The following YAP1 variants were observed in gnomAD, a reference collection of about 807,000 sequenced individuals.
YAP1 encodes the protein Yes1 associated transcriptional regulator, also known as transcriptional coactivator YAP1.
In YAP1, 5 loss-of-function variants were observed where a neutral mutation model predicts 56.9. The observed-to-expected ratio is 0.09, with a 90% CI of 0.05 to 0.18. The LOEUF (loss-of-function observed/expected upper bound fraction) is 0.18, where lower values mean the gene tolerates loss of function less well. Among genes scored for constraint, YAP1 ranks in the 10% least tolerant of loss-of-function variants. The pLI, the probability that YAP1 is intolerant of heterozygous loss-of-function variation, is 1.00. For missense variants in YAP1, 539 were observed against 651.8 expected, an observed-to-expected ratio of 0.83 and a Z score of 1.88; for synonymous variants, 265 against 248.1, an observed-to-expected ratio of 1.07 and a Z score of -0.64.
At chr11:102,195,578 C>T (rs1948531248) in intron 4 of YAP1, among the ~76,000 whole-genome samples, 1 of 152,100 alleles carries the variant, frequency 6.6e-6, no homozygotes, top group African/African-American at 2.4e-5. Context: ...GGGGCAATTT[C>T]TCCCATCCTG....
intron 3 of YAP1, among the ~76,000 whole-genome samples, chr11:102,177,130 AGAG>A (rs1315410741): frequency 6.6e-6 from 1 of 152,114 alleles, no homozygotes; most frequent in Non-Finnish European, 1.5e-5. Flanking sequence ...TGGAGCTGGG[AGAG>A]GAGATGTTTG....
chr11:102,205,933 G>A lies in YAP1; in HGVS notation c.843G>A (p.Gln281=). The part of the protein sequence containing the change: ...QRISQSAPVK[Q]PPPLAPQSPQ... ...TCAGTCAGAGTGCTCCAGTGAAACA[G>A]CCACCACCCCTGGCTCCCCAGAGCC... The change falls in exon 5 of 9, where the codon CAG becomes CAA. Residue 281 remains glutamine, a synonymous_variant. Transcript: ENST00000282441. 6.2e-7 allele frequency: 1 copy of A among 1,606,444 alleles called. No homozygotes were observed. Among genetic ancestry groups the A allele is most frequent in the Non-Finnish European group, 8.5e-7 (1 of 1,176,210 alleles).
intron 2 of YAP1, among the ~76,000 whole-genome samples, chr11:102,140,254 T>C (rs947686140): frequency 1.3e-5 from 2 of 152,188 alleles, no homozygotes; most frequent in Admixed American, 6.5e-5. Flanking sequence ...GAAAATTTTA[T>C]ATAGCTACTA....
chr11:102,176,918 G>T (rs1947297437), intron 3 of YAP1, among the ~76,000 whole-genome samples: 1 of 152,030 alleles, frequency 6.6e-6, no homozygotes, highest in African/African-American at 2.4e-5. Context: ...CCATGCGGCT[G>T]GGAGGACTGA....
At chr11:102,184,088 AAAAAAAAG>A (rs1348376315) in intron 3 of YAP1, among the ~76,000 whole-genome samples, 3 of 149,038 alleles carry the variant, frequency 2.0e-5, no homozygotes, top group Non-Finnish European at 4.5e-5. Context: ...AAAAAAAAAA[AAAAAAAAG>A]AAAGCTACAA....
intron 7 of YAP1, among the ~76,000 whole-genome samples, chr11:102,225,942 G>A (rs926529849): frequency 6.6e-6 from 1 of 152,170 alleles, no homozygotes; most frequent in Non-Finnish European, 1.5e-5. Context: ...TAGGAAGTGG[G>A]GTTCTGCAGG....
chr11:102,206,356 T>G (rs1482308958), intron 5 of YAP1, among the ~76,000 whole-genome samples: 6 of 152,220 alleles, frequency 3.9e-5, no homozygotes, highest in African/African-American at 1.4e-4. Context: ...GCAAGGATGC[T>G]TTCTCTAATG....
intron 6 of YAP1, among the ~76,000 whole-genome samples, chr11:102,221,208 C>T (rs998559293): frequency 2.6e-5 from 4 of 152,068 alleles, no homozygotes; most frequent in Non-Finnish European, 4.4e-5. Context: ...GATGGAGTAA[C>T]GAAGAGATCA....
At chr11:102,147,136 A>T (rs1177184366) in intron 2 of YAP1, among the ~76,000 whole-genome samples, 3 of 152,184 alleles carry the variant, frequency 2.0e-5, no homozygotes, top group Admixed American at 6.5e-5. Flanking sequence ...CACACTTAGG[A>T]TTCTAGCTCT....
At chr11:102,180,070 C>G (rs2135479339) in intron 3 of YAP1, among the ~76,000 whole-genome samples, 1 of 145,090 alleles carries the variant, frequency 6.9e-6, no homozygotes, top group East Asian at 2.0e-4. Context: ...AGTGCAATGG[C>G]ACAATCTTGG....
At chr11:102,118,844 G>T (rs1050789717) in intron 2 of YAP1, among the ~76,000 whole-genome samples, 2 of 151,620 alleles carry the variant, frequency 1.3e-5, no homozygotes, top group African/African-American at 2.4e-5. Flanking sequence ...CATATACAGT[G>T]TATCTTCATA....
At chr11:102,140,955 C>T (rs528738019) in intron 2 of YAP1, among the ~76,000 whole-genome samples, 1 of 152,146 alleles carries the variant, frequency 6.6e-6, no homozygotes, top group South Asian at 2.1e-4. Flanking sequence ...TTTTCTAGTT[C>T]TGTTACATAA....
chr11:102,223,774 T>C (rs774106241), intron 7 of YAP1, 22 bp downstream of exon 7: 1 of 1,613,386 alleles, frequency 6.2e-7, no homozygotes, highest in Non-Finnish European at 8.5e-7. Context: ...TTGCTACTGG[T>C]GAATATCTGA....
intron 2 of YAP1, among the ~76,000 whole-genome samples, chr11:102,139,024 T>C (rs962963548): frequency 6.6e-6 from 1 of 152,144 alleles, no homozygotes; most frequent in African/African-American, 2.4e-5. Flanking sequence ...AAAGCATATA[T>C]GTCTTTCTCT....
At chr11:102,121,322 C>G (rs1943636545) in intron 2 of YAP1, among the ~76,000 whole-genome samples, 1 of 152,008 alleles carries the variant, frequency 6.6e-6, no homozygotes, top group Admixed American at 6.6e-5. Context: ...TGCCTGTAGT[C>G]CCAGCTACTT....
At chr11:102,220,703 T>C (rs530751557) in intron 6 of YAP1, among the ~76,000 whole-genome samples, 1 of 152,084 alleles carries the variant, frequency 6.6e-6, no homozygotes, top group Non-Finnish European at 1.5e-5. Flanking sequence ...CATGAGTCTA[T>C]GCAGGAACTG....
intron 6 of YAP1, among the ~76,000 whole-genome samples, chr11:102,211,583 G>A (rs1388377827): frequency 2.6e-5 from 4 of 152,184 alleles, no homozygotes; most frequent in Non-Finnish European, 5.9e-5. Flanking sequence ...ATTTGAAATA[G>A]ATCAAGAAAT....
intron 7 of YAP1, 32 bp from the exon 8 acceptor site, chr11:102,227,437 T>C: frequency 6.7e-7 from 1 of 1,499,652 alleles, no homozygotes; most frequent in South Asian, 1.2e-5. Context: ...TAAAATTTTT[T>C]GTGTTGGTCT....
rs1238665178 is a variant in YAP1 at position 102,110,827 on chromosome 11, C to T, written c.-22C>T. On this transcript the variant is annotated 5_prime_UTR_variant, in exon 1 of 9. Transcript: ENST00000282441. Reference sequence around the variant, plus strand: ...CCTCGCTCGCCTGGGTCAGGGGGTGCGCGTCGGGGGAGGCAGAAGCCATGG... The same window carrying T: ...CCTCGCTCGCCTGGGTCAGGGGGTGTGCGTCGGGGGAGGCAGAAGCCATGG... 1 of 1,377,590 alleles carries T rather than the reference C, an allele frequency of 7.3e-7. No homozygotes were observed. Among genetic ancestry groups the T allele is most frequent in the South Asian group, 1.6e-5 (1 of 63,030 alleles). The allele number at this position is 1,377,590 out of a possible 1,614,324, so 85.3% of individuals were successfully genotyped here.
Sources: gnomAD v4.1 joint callset for allele counts (sites outside exome capture counted in the v4.1 genomes callset) on GRCh38, gnomAD v4.1.1 for gene constraint, MANE v1.5 for transcripts, NCBI Gene and HGNC (gene_info 2026-07-23, HGNC 2026-07-21) for gene names.